Variants in BATF observed in about 807,000 individuals in gnomAD.
BATF encodes basic leucine zipper ATF-like transcription factor.
Under a neutral mutation model 13.7 loss-of-function variants are expected in BATF, and 5 were observed. The observed-to-expected ratio is 0.36, with a 90% CI of 0.19 to 0.77. The LOEUF is 0.77. Ranked by LOEUF, BATF falls within the 30% of genes least tolerant of loss-of-function variation. The pLI, the probability that BATF is intolerant of heterozygous loss-of-function variation, is 0.51. For synonymous variants in BATF, 72 were observed against 67.5 expected (o/e 1.07, Z -0.33); for missense variants, 124 against 163.0 (o/e 0.76, Z 1.30).
intron 2 of BATF, among the ~76,000 whole-genome samples, chr14:75,542,503 C>G (rs1887911394): frequency 6.6e-6 from 1 of 152,260 alleles, no homozygotes; most frequent in Admixed American, 6.5e-5. Context: ...AACAGCTGCT[C>G]TCATGCCACC....
At chr14:75,535,681 G>A (rs1055466806) in intron 2 of BATF, among the ~76,000 whole-genome samples, 2 of 152,130 alleles carry the variant, frequency 1.3e-5, no homozygotes, top group African/African-American at 2.4e-5. Context: ...GGAATACTTC[G>A]AGAGTGGAAG....
Position 75,546,655 on chromosome 14 carries a change from C to T in BATF, c.362C>T (p.Pro121Leu), listed in dbSNP as rs772105665. The change falls in exon 3 of 3, where the codon CCG becomes CTG. Residue 121 changes from proline to leucine, a missense_variant. Physicochemically the swap from Pro to Leu is moderately conservative, Grantham distance 98. Transcript: ENST00000286639. ...TTCCACCAACCTCATGTCAGCTCCC[C>T]GCGCTTCCAGCCCTGAGCTTCCGAT... Reference protein sequence around the residue: ...HAFHQPHVSSPRFQP With the variant: ...HAFHQPHVSSLRFQP 32 of 1,603,260 alleles carry T rather than the reference C, an allele frequency of 2.0e-5. No homozygotes were observed. Among genetic ancestry groups the T allele is most frequent in the Non-Finnish European group, 2.4e-5 (28 of 1,174,928 alleles).
intron 2 of BATF, among the ~76,000 whole-genome samples, chr14:75,526,016 C>T (rs1595002550): frequency 6.6e-6 from 1 of 152,132 alleles, no homozygotes; most frequent in African/African-American, 2.4e-5. Flanking sequence ...TTTCAAGTGC[C>T]CTTATCTGGG....
intron 2 of BATF, among the ~76,000 whole-genome samples, chr14:75,535,201 C>T (rs1887799534): frequency 1.3e-5 from 2 of 152,090 alleles, no homozygotes; most frequent in African/African-American, 4.8e-5. Flanking sequence ...AGGAGGATGA[C>T]TTGAGACCAA....
At chr14:75,526,218 A>G (rs1887652497) in intron 2 of BATF, among the ~76,000 whole-genome samples, 1 of 152,064 alleles carries the variant, frequency 6.6e-6, no homozygotes, top group African/African-American at 2.4e-5. Flanking sequence ...CATTGCTCAT[A>G]CCTTACCACC....
chr14:75,546,603 C>A lies in BATF; in HGVS notation c.310C>A (p.Pro104Thr). Residue 104 changes from proline to threonine, a missense_variant, in exon 3 of 3, where the codon CCC becomes ACC. By Grantham distance (38) the Pro-to-Thr change is conservative. Transcript: ENST00000286639. ...GCTGGCCGCCAGCACGCCCTCGCCC[C>A]CCGAGGTGGTGTACAGCGCCCACGC... is the stretch of plus-strand genomic sequence containing the variant. Reference protein sequence around the residue: ...SVLAASTPSPPEVVYSAHAFH... With the variant: ...SVLAASTPSPTEVVYSAHAFH... The A allele has an allele frequency of 6.2e-7, 1 of 1,613,902 alleles. No homozygotes were observed. Among genetic ancestry groups the A allele is most frequent in the Non-Finnish European group, 8.5e-7 (1 of 1,179,922 alleles).
intron 1 of BATF, among the ~76,000 whole-genome samples, chr14:75,524,815 G>A (rs1232208818): frequency 6.7e-6 from 1 of 148,808 alleles, no homozygotes. Context: ...TTTTTTTTTG[G>A]CCAAATACAG....
chr14:75,536,574 T>G (rs1212275912), intron 2 of BATF, among the ~76,000 whole-genome samples: 4 of 151,984 alleles, frequency 2.6e-5, no homozygotes, highest in African/African-American at 9.7e-5. Context: ...AAAAAAAATT[T>G]TTTTTAAATA....
At chr14:75,540,861 G>A (rs1002122552) in intron 2 of BATF, among the ~76,000 whole-genome samples, 18 of 152,192 alleles carry the variant, frequency 1.2e-4, no homozygotes, top group African/African-American at 4.1e-4. Flanking sequence ...TGAGGCAGGC[G>A]GATCACTTGC....
intron 1 of BATF, 68 bp downstream of exon 1, chr14:75,522,813 C>T: frequency 6.3e-7 from 1 of 1,590,022 alleles, no homozygotes; most frequent in Non-Finnish European, 8.6e-7. Flanking sequence ...AGCCAGGCTT[C>T]CTTGTCCTGC....
chr14:75,542,325 TGAATA>T (rs1442508457), intron 2 of BATF, among the ~76,000 whole-genome samples: 1 of 152,234 alleles, frequency 6.6e-6, no homozygotes, highest in Admixed American at 6.5e-5. Flanking sequence ...GGATGAATTC[TGAATA>T]GGAGAAAGAT....
intron 1 of BATF, among the ~76,000 whole-genome samples, chr14:75,524,309 C>T (rs760247442): frequency 3.9e-5 from 6 of 152,240 alleles, no homozygotes; most frequent in African/African-American, 7.2e-5. Context: ...CCACCATTAA[C>T]GTTCTTTTTG....
At chr14:75,537,329 G>A (rs1388514561) in intron 2 of BATF, among the ~76,000 whole-genome samples, 1 of 152,192 alleles carries the variant, frequency 6.6e-6, no homozygotes, top group African/African-American at 2.4e-5. Context: ...CTATTAAAGT[G>A]TTTGAGTGGT....
Position 75,546,882 on chromosome 14 carries a change from T to C in BATF, c.*211T>C. 2.7e-6 allele frequency: 2 copies of C among 741,064 alleles called. No homozygotes were observed. The highest frequency in any genetic ancestry group is 2.9e-5 in the South Asian group (2 of 68,286). 45.9% of individuals were successfully genotyped at this position (741,064 alleles called of 1,614,324 possible). A position where few individuals can be genotyped will look rare whatever the true frequency, so the allele number is the denominator to read the frequency against. On this transcript the variant is annotated 3_prime_UTR_variant, in exon 3 of 3. Transcript: ENST00000286639. Reference sequence around the variant, plus strand: ...GGGCGTGTGCTGGACCCCACCACTGTGGGTTGCAGGCCCAATGCAGAAGAG... The same window carrying C: ...GGGCGTGTGCTGGACCCCACCACTGCGGGTTGCAGGCCCAATGCAGAAGAG...
chr14:75,526,263 T>C (rs1417297664), intron 2 of BATF, among the ~76,000 whole-genome samples: 2 of 152,212 alleles, frequency 1.3e-5, no homozygotes, highest in East Asian at 3.8e-4. Context: ...GTATGGTTCT[T>C]GTTCAACCAA....
At chr14:75,545,406 T>TG (rs1887966376) in intron 2 of BATF, among the ~76,000 whole-genome samples, 1 of 147,624 alleles carries the variant, frequency 6.8e-6, no homozygotes, top group Admixed American at 6.8e-5. Flanking sequence ...TTTTTTTTTT[T>TG]TTTGTATTTT....
At chr14:75,545,859 G>A (rs1482835866) in intron 2 of BATF, among the ~76,000 whole-genome samples, 1 of 151,832 alleles carries the variant, frequency 6.6e-6, no homozygotes, top group Admixed American at 6.6e-5. Flanking sequence ...ATATGAAATT[G>A]CTTTTTTGCC....
chr14:75,532,604 G>A (rs958414430), intron 2 of BATF, among the ~76,000 whole-genome samples: 1 of 152,192 alleles, frequency 6.6e-6, no homozygotes, highest in African/African-American at 2.4e-5. Context: ...AATTTACAAA[G>A]ATGCTTAGTT....
At chr14:75,524,562 C>T (rs544527944) in intron 1 of BATF, among the ~76,000 whole-genome samples, 56 of 152,230 alleles carry the variant, frequency 3.7e-4, no homozygotes, top group African/African-American at 1.3e-3. Flanking sequence ...CCTCAGTTTC[C>T]TCACATATAA....
Sources: allele counts gnomAD v4.1 joint callset (sites outside exome capture counted in the v4.1 genomes callset), GRCh38; gene constraint gnomAD v4.1.1; transcripts MANE v1.5; gene names NCBI Gene and HGNC (gene_info 2026-07-23, HGNC 2026-07-21).